PTPRM: variants seen among roughly 807,000 people sequenced by gnomAD.
PTPRM encodes receptor-type tyrosine-protein phosphatase mu.
In PTPRM, 47 loss-of-function variants were observed where a neutral mutation model predicts 186.7. The observed-to-expected ratio is 0.25, with a 90% CI of 0.20 to 0.32. The LOEUF is 0.32. Among genes scored for constraint, PTPRM ranks in the 10% least tolerant of loss-of-function variants. The probability of loss-of-function intolerance (pLI) is 1.00; values close to 1 mark genes in which losing one functional copy is unlikely to be tolerated. For synonymous variants in PTPRM, 668 were observed against 674.9 expected, an observed-to-expected ratio of 0.99 and a Z score of 0.16; for missense variants, 1,494 against 1,865.0, an observed-to-expected ratio of 0.80 and a Z score of 3.66.
chr18:8,264,230 C>G (rs765934818), intron 19 of PTPRM, among the ~76,000 whole-genome samples: 6 of 152,192 alleles, frequency 3.9e-5, no homozygotes, highest in Non-Finnish European at 8.8e-5. Context: ...TTTCCTATCT[C>G]TTACCAACCG....
chr18:7,617,719 T>G (rs2143933407), intron 1 of PTPRM, among the ~76,000 whole-genome samples: 1 of 152,352 alleles, frequency 6.6e-6, no homozygotes, highest in South Asian at 2.1e-4. Flanking sequence ...TATGTGTTTC[T>G]TTCTCCTTTC....
At chr18:7,607,799 G>A (rs542002285) in intron 1 of PTPRM, among the ~76,000 whole-genome samples, 3 of 152,294 alleles carry the variant, frequency 2.0e-5, no homozygotes, top group South Asian at 2.1e-4. Flanking sequence ...TGCCTTCCTC[G>A]GAGCACTGCT....
At chr18:8,278,782 G>A (rs7237269) in intron 19 of PTPRM, among the ~76,000 whole-genome samples, 4,182 of 152,212 alleles carry the variant, frequency 0.027, 169 homozygotes, top group African/African-American at 0.091. Context: ...ACAAGTCTGC[G>A]TATCCCAATC....
At chr18:8,271,034 A>T (rs1373731883) in intron 19 of PTPRM, among the ~76,000 whole-genome samples, 1 of 152,182 alleles carries the variant, frequency 6.6e-6, no homozygotes, top group East Asian at 1.9e-4. Context: ...TAACTAAATT[A>T]GGTTATAAGA....
At chr18:7,980,688 G>C (rs17476082) in intron 7 of PTPRM, among the ~76,000 whole-genome samples, 13,127 of 152,194 alleles carry the variant, frequency 0.086, 669 homozygotes, top group South Asian at 0.17. Flanking sequence ...CCAGCCATCA[G>C]AGGTCTTTTA....
At chr18:8,115,478 C>G (rs1337478883) in intron 13 of PTPRM, among the ~76,000 whole-genome samples, 1 of 152,144 alleles carries the variant, frequency 6.6e-6, no homozygotes, top group African/African-American at 2.4e-5. Context: ...GAGCTGTCAT[C>G]TGGTCAACTT....
chr18:8,204,922 C>CA (rs2093907811), intron 14 of PTPRM, among the ~76,000 whole-genome samples: 1 of 152,054 alleles, frequency 6.6e-6, no homozygotes, highest in Non-Finnish European at 1.5e-5. Flanking sequence ...CAGCACAGGC[C>CA]ATATTCTGTT....
At chr18:8,378,655 A>AC (rs1316809936) in intron 27 of PTPRM, among the ~76,000 whole-genome samples, 2 of 152,126 alleles carry the variant, frequency 1.3e-5, no homozygotes, top group African/African-American at 4.8e-5. Context: ...CTGGTTGAGA[A>AC]CCACTGGTCT....
chr18:7,953,409 C>T (rs1416409584), intron 6 of PTPRM, among the ~76,000 whole-genome samples: 3 of 152,110 alleles, frequency 2.0e-5, no homozygotes, highest in East Asian at 1.9e-4. Context: ...TTCAAGGAAT[C>T]GCCTAATGAT....
intron 14 of PTPRM, among the ~76,000 whole-genome samples, chr18:8,191,111 G>T (rs1658538094): frequency 1.3e-5 from 2 of 152,148 alleles, no homozygotes; most frequent in Non-Finnish European, 2.9e-5. Context: ...GTAGGAAAGG[G>T]AACCTTAAGT....
At chr18:8,289,543 TATATATAC>T (rs1568674744) in intron 19 of PTPRM, among the ~76,000 whole-genome samples, 2 of 112,198 alleles carry the variant, frequency 1.8e-5, no homozygotes, top group Non-Finnish European at 3.5e-5. Flanking sequence ...TACACATATA[TATATATAC>T]ATATATATAC....
intron 7 of PTPRM, among the ~76,000 whole-genome samples, chr18:8,061,659 ACAAAATCTC>A (rs2088526645): frequency 2.2e-5 from 2 of 91,478 alleles, no homozygotes; most frequent in South Asian, 9.5e-4. Context: ...CCTGGTGGTG[ACAAAATCTC>A]TCAGCATTTG....
At chr18:7,969,336 A>G (rs937175473) in intron 7 of PTPRM, among the ~76,000 whole-genome samples, 1 of 137,620 alleles carries the variant, frequency 7.3e-6, no homozygotes, top group Non-Finnish European at 1.5e-5. Flanking sequence ...ATAGCACTAA[A>G]TGCCTACAAG....
At chr18:8,112,408 G>A (rs2091795988) in intron 11 of PTPRM, among the ~76,000 whole-genome samples, 1 of 152,164 alleles carries the variant, frequency 6.6e-6, no homozygotes, top group Admixed American at 6.5e-5. Context: ...GGGATAGCAG[G>A]CAGCCCTCTT....
intron 7 of PTPRM, among the ~76,000 whole-genome samples, chr18:7,984,538 G>A (rs1397349225): frequency 7.6e-6 from 1 of 131,466 alleles, no homozygotes; most frequent in Non-Finnish European, 1.6e-5. Flanking sequence ...ATTTTTGTGG[G>A]TAGTATACAT....
At position 8,240,497 on chromosome 18, in the gene PTPRM, GAGAGGAAGGAAGGAAGGAAGGA is replaced by G. The variant is rs1358253970; in HGVS notation, c.2301-3558_2301-3537del. Among the ~76,000 whole-genome samples the G allele has an allele frequency of 1.1e-3, 77 of 71,554 alleles. 3 individuals carry two copies. The highest frequency in any genetic ancestry group is 4.9e-3 in the African/African-American group (69 of 14,186). 46.9% of individuals were successfully genotyped at this position (71,554 alleles called of 152,430 possible). A position where few individuals can be genotyped will look rare whatever the true frequency, so the allele number is the denominator to read the frequency against. On this transcript the variant is annotated intron_variant, in intron 14 of 32. Coordinates refer to ENST00000580170, the MANE Select transcript of PTPRM (RefSeq NM_001105244.2). Reference sequence around the variant, plus strand: ...AGGGAGGGGAGGAGAGAGAGAGAGAGAGAGGAAGGAAGGAAGGAAGGAAGGAAGGAAGGAAGGAAGGAAGGAA... The same window carrying G: ...AGGGAGGGGAGGAGAGAGAGAGAGAGAGGAAGGAAGGAAGGAAGGAAGGAA...
intron 1 of PTPRM, among the ~76,000 whole-genome samples, chr18:7,605,924 G>A (rs1466458107): frequency 6.6e-6 from 1 of 152,156 alleles, no homozygotes; most frequent in African/African-American, 2.4e-5. Flanking sequence ...GACAGACAGG[G>A]AGAGGGTGTG....
chr18:7,595,995 A>G (rs1383140040), intron 1 of PTPRM, among the ~76,000 whole-genome samples: 1 of 152,308 alleles, frequency 6.6e-6, no homozygotes, highest in South Asian at 2.1e-4. Context: ...GTTTTCTTGG[A>G]AAAAGATCGA....
intron 1 of PTPRM, among the ~76,000 whole-genome samples, chr18:7,725,388 G>A (rs530082039): frequency 6.6e-6 from 1 of 152,180 alleles, no homozygotes; most frequent in South Asian, 2.1e-4. Flanking sequence ...GGTGGTGATA[G>A]GGACAGGAGG....
Sources: gnomAD v4.1 joint callset for allele counts (sites outside exome capture counted in the v4.1 genomes callset) on GRCh38, gnomAD v4.1.1 for gene constraint, MANE v1.5 for transcripts, NCBI Gene and HGNC (gene_info 2026-07-23, HGNC 2026-07-21) for gene names.